The following USP7 variants were observed in gnomAD, a reference collection of about 807,000 sequenced individuals.
USP7 encodes the protein ubiquitin specific peptidase 7.
USP7 carries 9 observed loss-of-function variants against 162.9 expected under a neutral mutation model. The observed-to-expected ratio is 0.06, with a 90% CI of 0.03 to 0.10. The LOEUF is 0.10. USP7 is among the 10% of genes least tolerant of loss of function. USP7 has a pLI of 1.00. For missense variants in USP7, 715 were observed against 1,373.7 expected, an observed-to-expected ratio of 0.52 and a Z score of 7.58; for synonymous variants, 562 against 475.9, an observed-to-expected ratio of 1.18 and a Z score of -2.35.
At chr16:8,910,656 G>T in intron 11 of USP7, 89 bp downstream of exon 11, 1 of 1,207,014 alleles carries the variant, frequency 8.3e-7, no homozygotes. Flanking sequence ...ACATGAAAAG[G>T]CACAAGCAAA....
chr16:8,953,334 C>A (rs2141263687), intron 1 of USP7, among the ~76,000 whole-genome samples: 1 of 152,242 alleles, frequency 6.6e-6, no homozygotes, highest in East Asian at 1.9e-4. Context: ...AACCCAGCAG[C>A]CAGACCCGTT....
intron 10 of USP7, among the ~76,000 whole-genome samples, chr16:8,911,508 A>G (rs1236411508): frequency 2.0e-5 from 3 of 152,214 alleles, no homozygotes; most frequent in Non-Finnish European, 4.4e-5. Context: ...TCCGGTCATG[A>G]AGGAAAAACG....
chr16:8,933,177 T>G (rs1049892731), intron 1 of USP7, among the ~76,000 whole-genome samples: 6 of 152,170 alleles, frequency 3.9e-5, no homozygotes, highest in Non-Finnish European at 8.8e-5. Context: ...TGACCTCAAG[T>G]GATCCACCTG....
chr16:8,958,101 C>CA (rs1899881828), intron 1 of USP7, among the ~76,000 whole-genome samples: 1 of 152,126 alleles, frequency 6.6e-6, no homozygotes, highest in African/African-American at 2.4e-5. Flanking sequence ...ATAAATTTAA[C>CA]AAAAAAGGAA....
At chr16:8,918,696 C>T (rs560807254) in intron 6 of USP7, among the ~76,000 whole-genome samples, 46 of 152,244 alleles carry the variant, frequency 3.0e-4, no homozygotes, top group Non-Finnish European at 5.6e-4. Flanking sequence ...GTAATCCCAG[C>T]TACTCAGGAG....
At chr16:8,942,479 G>A (rs996686717) in intron 1 of USP7, among the ~76,000 whole-genome samples, 1 of 152,210 alleles carries the variant, frequency 6.6e-6, no homozygotes, top group Non-Finnish European at 1.5e-5. Flanking sequence ...GTAGATCCCT[G>A]TGTACTCTAA....
chr16:8,938,898 C>G (rs1480157580), intron 1 of USP7, among the ~76,000 whole-genome samples: 8 of 152,132 alleles, frequency 5.3e-5, no homozygotes, highest in Non-Finnish European at 1.0e-4. Context: ...TATGCAAATA[C>G]TACACTGTTT....
chr16:8,936,565 C>A, intron 1 of USP7: 1 of 1,529,508 alleles, frequency 6.5e-7, no homozygotes, highest in African/African-American at 1.4e-5. Flanking sequence ...AGGAGCTCAA[C>A]CTGAAAACCT....
chr16:8,955,720 A>AAAC (rs1567249506), intron 1 of USP7, among the ~76,000 whole-genome samples: 1 of 147,164 alleles, frequency 6.8e-6, no homozygotes, highest in Non-Finnish European at 1.5e-5. Flanking sequence ...AAAAAAAAAA[A>AAAC]AAAAAACATT....
intron 27 of USP7, among the ~76,000 whole-genome samples, 156 bp from the exon 28 acceptor site, chr16:8,895,306 T>C (rs540035292): frequency 6.6e-6 from 1 of 152,290 alleles, no homozygotes; most frequent in East Asian, 1.9e-4. Context: ...TGGGCACTCA[T>C]GGGAGTCTCA....
At chr16:8,896,028 G>A (rs2061676039) in intron 26 of USP7, among the ~76,000 whole-genome samples, 3 of 151,884 alleles carry the variant, frequency 2.0e-5, no homozygotes, top group South Asian at 2.1e-4. Context: ...GTAGAGACGG[G>A]GTTTCACCAT....
At chr16:8,934,178 G>A (rs544498572) in intron 1 of USP7, among the ~76,000 whole-genome samples, 1 of 152,278 alleles carries the variant, frequency 6.6e-6, no homozygotes, top group African/African-American at 2.4e-5. Flanking sequence ...AAAAATGAGG[G>A]CTCATTTTCT....
rs1363918879 is a variant in USP7 at position 8,921,137 on chromosome 16, C to T, written c.522+20G>A. 6.2e-7 allele frequency: 1 copy of T among 1,612,516 alleles called. No individual in the cohort carries two copies. The highest frequency in any genetic ancestry group is 8.5e-7 in the Non-Finnish European group (1 of 1,179,708). The stretch of plus-strand genomic sequence containing the variant: ...AGCAGTAATGCACCAATTGTTCAGA[C>T]TAAATACACTGTTACTTACACTCCA... On this transcript the variant is annotated intron_variant, in intron 4 of 30. Transcript: ENST00000344836.
At chr16:8,955,761 A>C (rs1055292480) in intron 1 of USP7, among the ~76,000 whole-genome samples, 1 of 152,076 alleles carries the variant, frequency 6.6e-6, no homozygotes, top group South Asian at 2.1e-4. Flanking sequence ...CATGAAATAT[A>C]ATTTATTCCC....
intron 23 of USP7, 40 bp from the exon 24 acceptor site, chr16:8,898,679 T>C: frequency 1.3e-6 from 2 of 1,496,342 alleles, no homozygotes; most frequent in South Asian, 1.3e-5. Flanking sequence ...GACTTGTTTA[T>C]TTGCCTAAAA....
intron 1 of USP7, among the ~76,000 whole-genome samples, chr16:8,950,334 T>G (rs1304377272): frequency 6.6e-6 from 1 of 152,186 alleles, no homozygotes; most frequent in Non-Finnish European, 1.5e-5. Flanking sequence ...CCCAGTGCTC[T>G]CTGATAAACA....
At chr16:8,904,276 AGAG>A (rs2061823930) in intron 15 of USP7, among the ~76,000 whole-genome samples, 156 bp downstream of exon 15, 1 of 152,192 alleles carries the variant, frequency 6.6e-6, no homozygotes, top group Non-Finnish European at 1.5e-5. Context: ...AAGGGGTCCC[AGAG>A]GAGTGGGGAC....
chr16:8,914,183 G>C (rs2061994109), intron 10 of USP7, among the ~76,000 whole-genome samples: 1 of 152,042 alleles, frequency 6.6e-6, no homozygotes, highest in Non-Finnish European at 1.5e-5. Flanking sequence ...CATTTGAAAA[G>C]GTAAGAACAA....
chr16:8,906,131 G>A (rs1013398334), intron 13 of USP7, among the ~76,000 whole-genome samples: 2 of 152,200 alleles, frequency 1.3e-5, no homozygotes, highest in Non-Finnish European at 2.9e-5. Context: ...CCCACCGCAT[G>A]GGTAATTATC....
Sources: allele counts gnomAD v4.1 joint callset (sites outside exome capture counted in the v4.1 genomes callset), GRCh38; gene constraint gnomAD v4.1.1; transcripts MANE v1.5; gene names NCBI Gene and HGNC (gene_info 2026-07-23, HGNC 2026-07-21).